Variants in ATG2B observed in about 807,000 individuals in gnomAD.
ATG2B encodes autophagy-related protein 2 homolog B.
In ATG2B, 121 loss-of-function variants were observed where a neutral mutation model predicts 241.3. That is an observed-to-expected ratio of 0.50 (90% CI 0.43 to 0.58). The LOEUF is 0.58. Among genes scored for constraint, ATG2B ranks in the 20% least tolerant of loss-of-function variants. The pLI is 0.00. For missense variants in ATG2B, 2,306 were observed against 2,491.6 expected, an observed-to-expected ratio of 0.93 and a Z score of 1.59; for synonymous variants, 858 against 876.6, an observed-to-expected ratio of 0.98 and a Z score of 0.37.
chr14:96,341,660 A>G lies in ATG2B; in HGVS notation c.786T>C (p.Ile262=). 1 of 1,592,870 alleles carries G rather than the reference A, an allele frequency of 6.3e-7. No individual in the cohort carries two copies. The highest frequency in any genetic ancestry group is 8.6e-7 in the Non-Finnish European group (1 of 1,167,548). Residue 262 remains isoleucine (I), a synonymous_variant, in exon 6 of 42, where the codon ATT becomes ATC. Coordinates refer to ENST00000359933, the MANE Select transcript of ATG2B (RefSeq NM_018036.7). ...TTAGCTGTGGGTGTGGCTCATAAAT[A>G]ATTTTGGGGTTCCAGCTAGGTGAGA... ...PKLSPSWNPK[I]IYEPHPQLTR...
chr14:96,359,086 C>G (rs1419794054), intron 1 of ATG2B, among the ~76,000 whole-genome samples: 1 of 152,084 alleles, frequency 6.6e-6, no homozygotes, highest in African/African-American at 2.4e-5. Flanking sequence ...TAAAAGGCCT[C>G]AGTGGCCAGG....
rs11290481 is a variant in ATG2B, at chr14:96,342,717, C to CAAA, written c.744+399_744+401dup. The stretch of plus-strand genomic sequence containing the variant: ...AGCCTGGGCGACAAGAGACTCTCTC[C>CAAA]AAAAAAAAAAAAAAAACAAACATAA... On this transcript the variant is annotated intron_variant, in intron 5 of 41. Coordinates refer to ENST00000359933, the MANE Select transcript of ATG2B (RefSeq NM_018036.7). Among the ~76,000 whole-genome samples the CAAA allele has an allele frequency of 7.8e-5, 8 of 103,042 alleles. No homozygotes were observed. In the South Asian group the frequency reaches 1.5e-3, roughly 19 times the overall value. The allele number at this position is 103,042 out of a possible 152,430, so 67.6% of individuals were successfully genotyped here. A position where few individuals can be genotyped will look rare whatever the true frequency, so the allele number is the denominator to read the frequency against.
intron 1 of ATG2B, among the ~76,000 whole-genome samples, chr14:96,348,250 G>C (rs1211049687): frequency 6.6e-6 from 1 of 152,154 alleles, no homozygotes; most frequent in East Asian, 1.9e-4. Flanking sequence ...AACAAACTTT[G>C]CATGTTCTCA....
At chr14:96,355,089 T>A (rs1888439258) in intron 1 of ATG2B, among the ~76,000 whole-genome samples, 1 of 152,238 alleles carries the variant, frequency 6.6e-6, no homozygotes, top group South Asian at 2.1e-4. Context: ...TTCTGTAGGC[T>A]GTCTGTTCAT....
chr14:96,298,856 C>T (rs949949324), intron 34 of ATG2B, among the ~76,000 whole-genome samples: 4 of 152,152 alleles, frequency 2.6e-5, no homozygotes, highest in Non-Finnish European at 5.9e-5. Flanking sequence ...ATCTGTGAAA[C>T]CTCCATTGAA....
At chr14:96,309,307 T>C in intron 29 of ATG2B, 146 bp downstream of exon 29, 1 of 1,012,644 alleles carries the variant, frequency 9.9e-7, no homozygotes, top group Non-Finnish European at 1.4e-6. Context: ...TACTAGACAC[T>C]GAGTAGACAC....
intron 34 of ATG2B, 62 bp downstream of exon 34, chr14:96,301,945 T>C: frequency 7.9e-7 from 1 of 1,271,932 alleles, no homozygotes; most frequent in Non-Finnish European, 1.1e-6. Context: ...TTACAATTTC[T>C]TTATTCTGAA....
chr14:96,297,186 A>C (rs955912651), intron 34 of ATG2B, among the ~76,000 whole-genome samples: 12 of 152,044 alleles, frequency 7.9e-5, no homozygotes, highest in Admixed American at 6.5e-5. Flanking sequence ...CAGCATATAA[A>C]ATGCTATTCT....
At position 96,279,321 on chromosome 14, in the gene ATG2B, G is replaced by C. The variant is rs1247474325; in HGVS notation, c.*6434C>G. 1 of 152,184 alleles carries C rather than the reference G, an allele frequency of 6.6e-6. No individual in the cohort carries two copies. Among genetic ancestry groups the C allele is most frequent in the Non-Finnish European group, 1.5e-5 (1 of 68,034 alleles). 9.4% of individuals were successfully genotyped at this position (152,184 alleles called of 1,614,324 possible). A position where few individuals can be genotyped will look rare whatever the true frequency, so the allele number is the denominator to read the frequency against. On this transcript the variant is annotated 3_prime_UTR_variant, in exon 42 of 42. Transcript: ENST00000359933. ...GGACATCTGTAAGTAGTAATCATGT[G>C]ATCTTGGGCAAAGAATTTCCCCTCT...
chr14:96,352,018 G>C (rs1212896817), intron 1 of ATG2B, among the ~76,000 whole-genome samples: 1 of 151,742 alleles, frequency 6.6e-6, no homozygotes, highest in East Asian at 1.9e-4. Context: ...CAGAAGAAAA[G>C]TAACACTTAA....
chr14:96,356,328 A>G (rs1217690233), intron 1 of ATG2B, among the ~76,000 whole-genome samples: 1 of 152,220 alleles, frequency 6.6e-6, no homozygotes, highest in East Asian at 1.9e-4. Flanking sequence ...TGCCTACTTT[A>G]CAAATATGGC....
chr14:96,343,455 A>G (rs1377598772), intron 4 of ATG2B, among the ~76,000 whole-genome samples, 174 bp from the exon 5 acceptor site: 1 of 152,162 alleles, frequency 6.6e-6, no homozygotes, highest in Non-Finnish European at 1.5e-5. Flanking sequence ...CCTATTTACA[A>G]TAAGAAACGC....
Position 96,282,069 on chromosome 14 carries a change from T to C in ATG2B, c.*3686A>G, listed in dbSNP as rs1886214011. 6.6e-6 allele frequency: 1 copy of C among 152,186 alleles called. No homozygotes were observed. The highest frequency in any genetic ancestry group is 2.4e-5 in the African/African-American group (1 of 41,442). The allele number at this position is 152,186 out of a possible 1,614,324, so 9.4% of individuals were successfully genotyped here. On this transcript the variant is annotated 3_prime_UTR_variant, in exon 42 of 42. Coordinates refer to ENST00000359933, the MANE Select transcript of ATG2B (RefSeq NM_018036.7). ...CTAGCATGATCCTGAAATGTTGAGA[T>C]AAAAAGAAGTTGGCATTAAAGCACT...
In ATG2B at chr14:96,305,599, T is replaced by C; in HGVS notation, c.4723A>G (p.Lys1575Glu). Residue 1575 changes from lysine (K) to glutamate (E), a missense_variant, in exon 31 of 42, where the codon AAA becomes GAA. Lys to Glu is a moderately conservative substitution (Grantham distance 56, BLOSUM62 1). This residue lies in a region of ATG2B where 1,927 missense variants were observed against 2,011.2 expected (regional missense o/e 0.96). Coordinates refer to ENST00000359933, the MANE Select transcript of ATG2B (RefSeq NM_018036.7). ...FGIVPPTSPA[K>E]SYISPHSSPS... Reference sequence around the variant, plus strand: ...TAGAAATTAACTTACATATAACTTTTAGCCGGAGAAGTGGGAGGGACTATT... The same window carrying C: ...TAGAAATTAACTTACATATAACTTTCAGCCGGAGAAGTGGGAGGGACTATT... 1.2e-6 allele frequency: 2 copies of C among 1,608,660 alleles called. No homozygotes were observed. The highest frequency in any genetic ancestry group is 8.5e-7 in the Non-Finnish European group (1 of 1,175,514).
intron 6 of ATG2B, among the ~76,000 whole-genome samples, chr14:96,340,926 GAA>G (rs34515724): frequency 3.5e-5 from 4 of 112,984 alleles, no homozygotes; most frequent in East Asian, 2.8e-4. Flanking sequence ...ACCCCATCTC[GAA>G]AAAAAAAAAA....
At chr14:96,297,822 C>T (rs1030994690) in intron 34 of ATG2B, among the ~76,000 whole-genome samples, 3 of 152,088 alleles carry the variant, frequency 2.0e-5, no homozygotes, top group South Asian at 2.1e-4. Flanking sequence ...ATGGGGGTCT[C>T]GCTCTGTCAC....
At chr14:96,341,080 G>C (rs1888022140) in intron 6 of ATG2B, among the ~76,000 whole-genome samples, 1 of 151,652 alleles carries the variant, frequency 6.6e-6, no homozygotes, top group African/African-American at 2.4e-5. Flanking sequence ...AAAATAGATG[G>C]GTAGATATTT....
intron 34 of ATG2B, among the ~76,000 whole-genome samples, chr14:96,299,184 A>G (rs1031999140): frequency 2.6e-5 from 4 of 152,158 alleles, no homozygotes; most frequent in Admixed American, 1.3e-4. Context: ...CCAGTCCACA[A>G]TCAGAGTAAG....
At chr14:96,313,532 A>C (rs1049680174) in intron 23 of ATG2B, 97 bp from the exon 24 acceptor site, 10 of 530,286 alleles carry the variant, frequency 1.9e-5, no homozygotes, top group Non-Finnish European at 3.2e-5. Context: ...ATCTCACAGA[A>C]AAAATCATTT....
Sources: allele counts gnomAD v4.1 joint callset (sites outside exome capture counted in the v4.1 genomes callset), GRCh38; gene constraint gnomAD v4.1.1; regional missense constraint gnomAD v4.1.1; transcripts MANE v1.5; gene names NCBI Gene and HGNC (gene_info 2026-07-23, HGNC 2026-07-21).